Variants in RABIF observed in about 807,000 individuals in gnomAD.
RABIF encodes the protein guanine nucleotide exchange factor MSS4.
A neutral mutation model predicts 12.3 loss-of-function variants in RABIF; 13 were observed. The ratio of observed to expected loss-of-function variants is 1.06; its 90% CI spans 0.69 to 1.68. RABIF has a LOEUF of 1.68. Ranked by LOEUF, RABIF falls within the 40% of genes most tolerant of loss-of-function variation. The pLI is 0.00. For missense variants in RABIF, 153 were observed against 158.0 expected, an observed-to-expected ratio of 0.97 and a Z score of 0.17; for synonymous variants, 70 against 63.3, an observed-to-expected ratio of 1.11 and a Z score of -0.50.
chr1:202,883,635 C>T (rs1659521237), intron 1 of RABIF, among the ~76,000 whole-genome samples: 1 of 152,124 alleles, frequency 6.6e-6, no homozygotes, highest in African/African-American at 2.4e-5. Context: ...TCCAACAAAA[C>T]AGAAAACTGA....
intron 1 of RABIF, among the ~76,000 whole-genome samples, chr1:202,888,115 G>A (rs957758162): frequency 2.0e-5 from 3 of 152,122 alleles, no homozygotes; most frequent in African/African-American, 4.8e-5. Context: ...ATCTGTTCAA[G>A]CACGTGAAAT....
rs1659468073 is a variant in RABIF, at chr1:202,880,311, T to C, written c.*667A>G. 6.6e-6 allele frequency: 1 copy of C among 152,522 alleles called. No individual in the cohort carries two copies. The allele number at this position is 152,522 out of a possible 1,614,324, so 9.4% of individuals were successfully genotyped here. ...CTAGGCTGTAGCAGTGAGGAGCTAA[T>C]ATAAAAAGAAACTACAAGATTTCAA... is the stretch of plus-strand genomic sequence containing the variant. On this transcript the variant is annotated 3_prime_UTR_variant, in exon 2 of 2. Transcript: ENST00000367262.
At chr1:202,885,966 A>C (rs77606388) in intron 1 of RABIF, among the ~76,000 whole-genome samples, 2,339 of 85,352 alleles carry the variant, frequency 0.027, 38 homozygotes, top group East Asian at 0.15. Flanking sequence ...ACACAACCCA[A>C]AAAAAAAAAA....
At chr1:202,887,467 T>C (rs1370475322) in intron 1 of RABIF, among the ~76,000 whole-genome samples, 2 of 151,160 alleles carry the variant, frequency 1.3e-5, no homozygotes, top group South Asian at 2.1e-4. Flanking sequence ...TTTTACACAA[T>C]AGCAACCTGC....
chr1:202,880,563 GA>G lies in RABIF; in HGVS notation c.*414del. ...GATATTTGTATGCCTTCTTGAATGA[GA>G]AAAAGGCAGATTTCAACTATTAGTA... On this transcript the variant is annotated 3_prime_UTR_variant, in exon 2 of 2. Coordinates refer to ENST00000367262, the MANE Select transcript of RABIF (RefSeq NM_002871.5). 1 of 457,512 alleles carries G rather than the reference GA, an allele frequency of 2.2e-6. No homozygotes were observed. The highest frequency in any genetic ancestry group is 2.9e-6 in the Non-Finnish European group (1 of 346,018). 28.3% of individuals were successfully genotyped at this position (457,512 alleles called of 1,614,324 possible).
intron 1 of RABIF, 137 bp downstream of exon 1, chr1:202,888,836 G>A: frequency 3.2e-6 from 4 of 1,234,092 alleles, no homozygotes; most frequent in Non-Finnish European, 4.3e-6. Flanking sequence ...GCCGAGCTGA[G>A]GCCCGAGGGG....
At chr1:202,887,498 C>CTT (rs34615240) in intron 1 of RABIF, among the ~76,000 whole-genome samples, 18 of 126,668 alleles carry the variant, frequency 1.4e-4, no homozygotes, top group African/African-American at 5.1e-4. Flanking sequence ...GGTTAAATAA[C>CTT]TTTTTTTTTT....
intron 1 of RABIF, among the ~76,000 whole-genome samples, chr1:202,888,259 A>G (rs1044274467): frequency 6.6e-6 from 1 of 152,142 alleles, no homozygotes; most frequent in Admixed American, 6.5e-5. Flanking sequence ...ACTTGCGATG[A>G]TGGTGGTAGG....
rs1376438804 is a variant in RABIF, at chr1:202,878,920, A to T, written c.*2058T>A. 1 of 152,188 alleles carries T rather than the reference A, an allele frequency of 6.6e-6. No homozygotes were observed. The highest frequency in any genetic ancestry group is 2.4e-5 in the African/African-American group (1 of 41,458). 9.4% of individuals were successfully genotyped at this position (152,188 alleles called of 1,614,324 possible). A position where few individuals can be genotyped will look rare whatever the true frequency, so the allele number is the denominator to read the frequency against. ...GTTTCAGCTCTCCTTTGTTTTTTCA[A>T]TTTATATATTCTTCCCAAGGACATG... On this transcript the variant is annotated 3_prime_UTR_variant, in exon 2 of 2. Coordinates refer to ENST00000367262, the MANE Select transcript of RABIF (RefSeq NM_002871.5).
Position 202,880,945 on chromosome 1 carries a change from T to G in RABIF, c.*33A>C. 1 of 1,608,590 alleles carries G rather than the reference T, an allele frequency of 6.2e-7. No individual in the cohort carries two copies. Among genetic ancestry groups the G allele is most frequent in the Non-Finnish European group, 8.5e-7 (1 of 1,175,838 alleles). Reference sequence around the variant, plus strand: ...AGTTCTTGTGGGGAGTAGGTTTATCTTTGGAGATGGAGCTGAGTACCCCTC... The same window carrying G: ...AGTTCTTGTGGGGAGTAGGTTTATCGTTGGAGATGGAGCTGAGTACCCCTC... On this transcript the variant is annotated 3_prime_UTR_variant, in exon 2 of 2. Transcript: ENST00000367262.
At chr1:202,883,638 A>G (rs1406752511) in intron 1 of RABIF, among the ~76,000 whole-genome samples, 3 of 152,208 alleles carry the variant, frequency 2.0e-5, no homozygotes, top group Non-Finnish European at 4.4e-5. Flanking sequence ...AACAAAACAG[A>G]AAACTGACTA....
chr1:202,882,580 T>C (rs1255518448), intron 1 of RABIF, among the ~76,000 whole-genome samples: 1 of 152,074 alleles, frequency 6.6e-6, no homozygotes, highest in Non-Finnish European at 1.5e-5. Context: ...AAATGCACAG[T>C]TTATTTCACT....
At chr1:202,887,922 G>A (rs1659587382) in intron 1 of RABIF, among the ~76,000 whole-genome samples, 2 of 152,110 alleles carry the variant, frequency 1.3e-5, no homozygotes, top group Non-Finnish European at 2.9e-5. Flanking sequence ...AATTAATTGA[G>A]AACTCTACTC....
In RABIF at chr1:202,889,022, C is replaced by T; in HGVS notation, c.77G>A (p.Cys26Tyr). ...CCCTGGCTGCAGCACCCGGGAGCCGCAACGCTGGCACAGCACCGCCTTCCG... is the reference window on the plus strand; with the variant it reads ...CCCTGGCTGCAGCACCCGGGAGCCGTAACGCTGGCACAGCACCGCCTTCCG... ...RNRKAVLCQR[C>Y]GSRVLQPGTA... Residue 26 changes from cysteine (C) to tyrosine (Y), a missense_variant, in exon 1 of 2, where the codon TGC becomes TAC. By Grantham distance (194) the Cys-to-Tyr change is radical. Transcript: ENST00000367262. The T allele has an allele frequency of 6.2e-7, 1 of 1,604,798 alleles. No individual in the cohort carries two copies. Among genetic ancestry groups the T allele is most frequent in the Non-Finnish European group, 8.5e-7 (1 of 1,176,292 alleles).
Position 202,878,894 on chromosome 1 carries a change from G to C in RABIF, c.*2084C>G, listed in dbSNP as rs556870581. The C allele has an allele frequency of 6.6e-6, 1 of 152,262 alleles. No individual in the cohort carries two copies. Among genetic ancestry groups the C allele is most frequent in the East Asian group, 1.9e-4 (1 of 5,180 alleles). The allele number at this position is 152,262 out of a possible 1,614,324, so 9.4% of individuals were successfully genotyped here. On this transcript the variant is annotated 3_prime_UTR_variant, in exon 2 of 2. Coordinates refer to ENST00000367262, the MANE Select transcript of RABIF (RefSeq NM_002871.5). ...ACCTTAAGCTAAACCCCAAGGTTCA[G>C]GTTTCAGCTCTCCTTTGTTTTTTCA...
At chr1:202,885,317 C>T (rs1051965061) in intron 1 of RABIF, among the ~76,000 whole-genome samples, 1 of 152,128 alleles carries the variant, frequency 6.6e-6, no homozygotes, top group Non-Finnish European at 1.5e-5. Flanking sequence ...ACTCCTAGGC[C>T]CTGGATCACC....
intron 1 of RABIF, among the ~76,000 whole-genome samples, chr1:202,886,092 A>G (rs1659556639): frequency 6.6e-6 from 1 of 151,958 alleles, no homozygotes; most frequent in Non-Finnish European, 1.5e-5. Flanking sequence ...TGAGAAACAA[A>G]AAGAAATGTA....
intron 1 of RABIF, among the ~76,000 whole-genome samples, chr1:202,886,773 C>T (rs1378244908): frequency 2.7e-5 from 4 of 147,560 alleles, no homozygotes; most frequent in African/African-American, 1.0e-4. Flanking sequence ...GACGGAGTCT[C>T]GCTCTGTCAC....
Position 202,888,996 on chromosome 1 carries a change from T to G in RABIF, c.103A>C (p.Thr35Pro). ...RCGSRVLQPGTALFSRRQLFL... is the reference protein window; with the variant it reads ...RCGSRVLQPGPALFSRRQLFL... Reference sequence around the variant, plus strand: ...ACCTGTCGGCGAGAGAAGAGAGCGGTCCCTGGCTGCAGCACCCGGGAGCCG... The same window carrying G: ...ACCTGTCGGCGAGAGAAGAGAGCGGGCCCTGGCTGCAGCACCCGGGAGCCG... Residue 35 changes from threonine to proline, a missense_variant, in exon 1 of 2, where the codon ACC becomes CCC. This residue lies in a region of RABIF where 113 missense variants were observed against 90.9 expected (regional missense o/e 1.24). Transcript: ENST00000367262. The G allele has an allele frequency of 6.3e-7, 1 of 1,586,684 alleles. No homozygotes were observed. Among genetic ancestry groups the G allele is most frequent in the Non-Finnish European group, 8.6e-7 (1 of 1,167,176 alleles).
Sources: gnomAD v4.1 joint callset for allele counts (sites outside exome capture counted in the v4.1 genomes callset) on GRCh38, gnomAD v4.1.1 for gene constraint, gnomAD v4.1.1 regional missense constraint, MANE v1.5 for transcripts, NCBI Gene and HGNC (gene_info 2026-07-23, HGNC 2026-07-21) for gene names.